Variants in RANBP2 observed in about 807,000 individuals in gnomAD.
RANBP2 encodes the protein E3 SUMO-protein ligase RanBP2.
A neutral mutation model predicts 303.6 loss-of-function variants in RANBP2; 57 were observed. The observed-to-expected ratio is 0.19, with a 90% CI of 0.15 to 0.23. RANBP2 has a LOEUF of 0.23. RANBP2 is among the 10% of genes least tolerant of loss of function. RANBP2 has a pLI of 1.00. For missense variants in RANBP2, 3,138 were observed against 3,780.8 expected (o/e 0.83, Z 4.46); for synonymous variants, 1,167 against 1,301.5 (o/e 0.90, Z 2.23).
the RANBP2 span, among the ~76,000 whole-genome samples, chr2:109,317,741 C>G: frequency 7.9e-5 from 12 of 152,178 alleles, no homozygotes; most frequent in Admixed American, 5.2e-4. Context: ...GAGGGTGCCT[C>G]CCTGTGAACA....
At chr2:109,605,454 G>A in the RANBP2 span, 3 of 152,040 alleles carry the variant, frequency 2.0e-5, no homozygotes, top group African/African-American at 7.2e-5. Context: ...TGAGCGACAA[G>A]AGTGAAACTC....
chr2:108,846,533 T>G, the RANBP2 span, among the ~76,000 whole-genome samples: 4 of 144,452 alleles, frequency 2.8e-5, no homozygotes, highest in African/African-American at 2.5e-5. Flanking sequence ...AAAAAAAACC[T>G]GAGTGTGGTA....
chr2:108,759,862 A>C (rs2693108), intron 18 of RANBP2, among the ~76,000 whole-genome samples: 28 of 152,238 alleles, frequency 1.8e-4, no homozygotes, highest in Non-Finnish European at 3.1e-4. Flanking sequence ...GGCATAAAAG[A>C]TCTTCTGTTC....
chr2:109,221,598 A>G, the RANBP2 span, among the ~76,000 whole-genome samples: 2 of 151,868 alleles, frequency 1.3e-5, no homozygotes, highest in Non-Finnish European at 2.9e-5. Flanking sequence ...AAAAAAAAAA[A>G]AAAAGTGTGC....
chr2:108,929,165 A>T, the RANBP2 span: 1 of 1,613,080 alleles, frequency 6.2e-7, no homozygotes, highest in African/African-American at 1.3e-5. Context: ...TGCAGAAAGC[A>T]TGCCAGGGTT....
chr2:108,759,685 T>C (rs1056426182), intron 18 of RANBP2, among the ~76,000 whole-genome samples: 1 of 152,218 alleles, frequency 6.6e-6, no homozygotes, highest in Non-Finnish European at 1.5e-5. Flanking sequence ...GATAAGTATA[T>C]GAAATGTCTA....
At chr2:108,732,691 C>G (rs540121135) in intron 4 of RANBP2, among the ~76,000 whole-genome samples, 1 of 152,202 alleles carries the variant, frequency 6.6e-6, no homozygotes, top group Non-Finnish European at 1.5e-5. Flanking sequence ...CATGCTGCCC[C>G]TTTTGTAGTG....
At chr2:108,844,733 G>A in the RANBP2 span, among the ~76,000 whole-genome samples, 1 of 151,338 alleles carries the variant, frequency 6.6e-6, no homozygotes, top group Non-Finnish European at 1.5e-5. Flanking sequence ...TCAATTAAAG[G>A]CAAATACTAT....
the RANBP2 span, among the ~76,000 whole-genome samples, chr2:108,842,681 G>A: frequency 2.6e-5 from 4 of 152,272 alleles, no homozygotes; most frequent in South Asian, 8.3e-4. Flanking sequence ...GTTGTCTAAG[G>A]CAGATATCTG....
the RANBP2 span, among the ~76,000 whole-genome samples, chr2:109,601,177 G>A: frequency 6.6e-6 from 1 of 152,178 alleles, no homozygotes; most frequent in African/African-American, 2.4e-5. Flanking sequence ...CCTAGAGACT[G>A]GGGGATGAAA....
chr2:109,446,495 G>T, the RANBP2 span, among the ~76,000 whole-genome samples: 1 of 152,224 alleles, frequency 6.6e-6, no homozygotes, highest in Non-Finnish European at 1.5e-5. Context: ...GAAAGCTGGA[G>T]CTAGAGCAGG....
the RANBP2 span, among the ~76,000 whole-genome samples, chr2:108,853,862 A>AT: frequency 1.6e-5 from 2 of 128,612 alleles, no homozygotes; most frequent in East Asian, 4.1e-4. Flanking sequence ...CTATATATAT[A>AT]ATATATATAC....
chr2:109,378,994 C>T, the RANBP2 span, among the ~76,000 whole-genome samples: 1 of 152,210 alleles, frequency 6.6e-6, no homozygotes, highest in African/African-American at 2.4e-5. Context: ...ATCCTGTAGC[C>T]ACTGTGGCTC....
the RANBP2 span, among the ~76,000 whole-genome samples, chr2:109,300,762 G>A: frequency 1.3e-5 from 2 of 152,212 alleles, no homozygotes; most frequent in Non-Finnish European, 2.9e-5. Context: ...GACTTCATGT[G>A]GGTTGGGCTC....
chr2:109,393,752 G>T, the RANBP2 span, among the ~76,000 whole-genome samples: 1 of 152,002 alleles, frequency 6.6e-6, no homozygotes, highest in Non-Finnish European at 1.5e-5. Flanking sequence ...CAGTGCAGGG[G>T]CCCAGGGGGA....
chr2:108,996,963 G>C, the RANBP2 span, among the ~76,000 whole-genome samples: 3 of 152,176 alleles, frequency 2.0e-5, no homozygotes, highest in Non-Finnish European at 4.4e-5. Flanking sequence ...CACCACTTCA[G>C]TTGGCTAGCA....
chr2:109,076,408 T>C, the RANBP2 span, among the ~76,000 whole-genome samples: 3 of 149,830 alleles, frequency 2.0e-5, no homozygotes, highest in Non-Finnish European at 4.5e-5. Flanking sequence ...CTAGAAGTTC[T>C]AGCCAGATAA....
At chr2:108,825,285 T>A in the RANBP2 span, among the ~76,000 whole-genome samples, 1 of 152,132 alleles carries the variant, frequency 6.6e-6, no homozygotes, top group Non-Finnish European at 1.5e-5. Context: ...TTTGTTTGTT[T>A]GTTTGTTTGG....
At chr2:109,262,067 C>T in the RANBP2 span, among the ~76,000 whole-genome samples, 4 of 152,342 alleles carry the variant, frequency 2.6e-5, no homozygotes, top group East Asian at 1.9e-4. Flanking sequence ...CCAGCCCCAA[C>T]GGTGCCAGCA....
Sources: gnomAD v4.1 joint callset for allele counts (sites outside exome capture counted in the v4.1 genomes callset) on GRCh38, gnomAD v4.1.1 for gene constraint, MANE v1.5 for transcripts, NCBI Gene and HGNC (gene_info 2026-07-23, HGNC 2026-07-21) for gene names.